Variants in EDA observed in about 807,000 individuals in gnomAD.
EDA encodes the protein ectodysplasin A.
A neutral mutation model predicts 23.6 loss-of-function variants in EDA; 2 were observed. The observed-to-expected ratio is 0.08, with a 90% CI of 0.03 to 0.27. The LOEUF (loss-of-function observed/expected upper bound fraction) is 0.27, where lower values mean the gene tolerates loss of function less well. EDA is among the 10% of genes least tolerant of loss of function. The pLI, the probability that EDA is intolerant of heterozygous loss-of-function variation, is 1.00. For synonymous variants in EDA, 131 were observed against 132.0 expected (o/e 0.99, Z 0.05); for missense variants, 229 against 324.2 (o/e 0.71, Z 2.26).
chrX:69,651,901 G>T (rs1933118702), intron 1 of EDA, among the ~76,000 whole-genome samples: 1 of 110,918 alleles, frequency 9.0e-6, no homozygotes, highest in Non-Finnish European at 1.9e-5. Context: ...AATGTGTGTA[G>T]GTGGAGATCA....
intron 1 of EDA, among the ~76,000 whole-genome samples, chrX:69,900,319 A>G (rs1283757243): frequency 8.3e-5 from 9 of 108,608 alleles, no homozygotes; most frequent in Non-Finnish European, 9.6e-5. Flanking sequence ...TCATAAATAT[A>G]TATATCATAT....
intron 1 of EDA, among the ~76,000 whole-genome samples, chrX:69,826,387 A>G (rs1235212699): frequency 9.2e-6 from 1 of 109,134 alleles, no homozygotes; most frequent in African/African-American, 3.4e-5. Context: ...GTGCTCCTGT[A>G]TTGGGTGCAT....
At chrX:69,867,933 A>G (rs868162719) in intron 1 of EDA, among the ~76,000 whole-genome samples, 1 of 112,109 alleles carries the variant, frequency 8.9e-6, no homozygotes, top group East Asian at 2.8e-4. Context: ...TAGATGGGTC[A>G]GAAAGCACCC....
chrX:69,852,183 G>T (rs1367304912), intron 1 of EDA, among the ~76,000 whole-genome samples: 4 of 111,713 alleles, frequency 3.6e-5, no homozygotes, highest in African/African-American at 1.3e-4. Context: ...AGGATGGAGT[G>T]CAATGGCACA....
intron 1 of EDA, among the ~76,000 whole-genome samples, chrX:69,657,043 A>C (rs1933342755): frequency 9.0e-6 from 1 of 111,656 alleles, no homozygotes; most frequent in Non-Finnish European, 1.9e-5. Context: ...TTGAATGGTA[A>C]TTCTATTTTG....
intron 1 of EDA, among the ~76,000 whole-genome samples, chrX:69,748,201 T>C (rs1210228937): frequency 9.0e-6 from 1 of 110,513 alleles, no homozygotes; most frequent in Non-Finnish European, 1.9e-5. Flanking sequence ...GGAGGGTGGG[T>C]TGAGGTTCTT....
At chrX:69,953,793 C>T (rs1483407805) in intron 1 of EDA, among the ~76,000 whole-genome samples, 1 of 111,590 alleles carries the variant, frequency 9.0e-6, no homozygotes, top group Non-Finnish European at 1.9e-5. Context: ...TTCATTCATA[C>T]ATATGAAAAA....
chrX:69,928,201 A>T (rs1467814263), intron 1 of EDA, among the ~76,000 whole-genome samples: 3 of 111,066 alleles, frequency 2.7e-5, no homozygotes, highest in African/African-American at 9.8e-5. Context: ...TTCAAAAGCC[A>T]CTTCAGATGT....
intron 2 of EDA, among the ~76,000 whole-genome samples, chrX:70,016,986 A>G (rs752586130): frequency 9.0e-6 from 1 of 111,426 alleles, no homozygotes; most frequent in Admixed American, 9.5e-5. Flanking sequence ...AAAAGAGAGA[A>G]GATCAAAATA....
At chrX:70,009,857 G>A (rs1038156881) in intron 2 of EDA, among the ~76,000 whole-genome samples, 2 of 111,921 alleles carry the variant, frequency 1.8e-5, no homozygotes, top group Non-Finnish European at 3.8e-5. Context: ...GAAGTGCTAC[G>A]ATTACAGATA....
chrX:69,771,291 C>T (rs1437165769), intron 1 of EDA, among the ~76,000 whole-genome samples: 1 of 110,717 alleles, frequency 9.0e-6, no homozygotes, highest in Non-Finnish European at 1.9e-5. Flanking sequence ...ATCTCTTGAC[C>T]CCGTGACCTG....
chrX:69,879,167 C>A (rs1405297930), intron 1 of EDA, among the ~76,000 whole-genome samples: 1 of 109,312 alleles, frequency 9.1e-6, no homozygotes, highest in Non-Finnish European at 1.9e-5. Context: ...CTGTGGACTA[C>A]TGCTTAGTTC....
intron 1 of EDA, among the ~76,000 whole-genome samples, chrX:69,865,867 G>C (rs1320653791): frequency 1.8e-5 from 2 of 112,446 alleles, no homozygotes; most frequent in Non-Finnish European, 3.8e-5. Flanking sequence ...CTTAAATGCT[G>C]ATACGAAGTC....
intron 1 of EDA, among the ~76,000 whole-genome samples, chrX:69,825,598 T>C (rs1444532253): frequency 1.9e-4 from 21 of 113,429 alleles, no homozygotes; most frequent in Non-Finnish European, 3.9e-4. Flanking sequence ...TTTTTCTCTT[T>C]ATTAGTCTTG....
intron 1 of EDA, among the ~76,000 whole-genome samples, chrX:69,783,283 T>A (rs942162351): frequency 4.5e-5 from 5 of 111,075 alleles, no homozygotes; most frequent in Non-Finnish European, 9.4e-5. Context: ...CTTCTTTTTT[T>A]TATTTTATTT....
chrX:69,877,388 A>G, intron 1 of EDA, among the ~76,000 whole-genome samples: 1 of 112,335 alleles, frequency 8.9e-6, no homozygotes, highest in African/African-American at 3.2e-5. Flanking sequence ...TCATTTTTAA[A>G]ATTATTATCT....
At chrX:69,652,466 A>C (rs753423986) in intron 1 of EDA, among the ~76,000 whole-genome samples, 1 of 111,924 alleles carries the variant, frequency 8.9e-6, no homozygotes, top group South Asian at 3.7e-4. Context: ...ATCATTAGGG[A>C]CATGTTTTTG....
chrX:69,654,924 G>T (rs1933252134), intron 1 of EDA, among the ~76,000 whole-genome samples: 1 of 108,263 alleles, frequency 9.2e-6, no homozygotes, highest in Non-Finnish European at 1.9e-5. Context: ...TTGTGCACAT[G>T]TACCCTAAAA....
intron 1 of EDA, among the ~76,000 whole-genome samples, chrX:69,861,577 C>T (rs754566594): frequency 9.0e-6 from 1 of 111,638 alleles, no homozygotes; most frequent in South Asian, 3.7e-4. Flanking sequence ...ACTAAATTCT[C>T]TGGTTAAAAG....
Sources: gnomAD v4.1 joint callset for allele counts (sites outside exome capture counted in the v4.1 genomes callset) on GRCh38, gnomAD v4.1.1 for gene constraint, MANE v1.5 for transcripts, NCBI Gene and HGNC (gene_info 2026-07-23, HGNC 2026-07-21) for gene names.